Variants in ACOXL observed in about 807,000 individuals in gnomAD.
The protein encoded by ACOXL is acyl-CoA oxidase like.
A neutral mutation model predicts 71.9 loss-of-function variants in ACOXL; 70 were observed. The ratio of observed to expected loss-of-function variants is 0.97; its 90% CI spans 0.80 to 1.19. ACOXL has a LOEUF of 1.19. ACOXL is among the 50% of genes most tolerant of loss of function. The pLI is 0.00. For synonymous variants in ACOXL, 253 were observed against 281.6 expected, an observed-to-expected ratio of 0.90 and a Z score of 1.02; for missense variants, 703 against 736.3, an observed-to-expected ratio of 0.95 and a Z score of 0.52.
At chr2:111,113,850 G>C (rs1418410861) in intron 17 of ACOXL, among the ~76,000 whole-genome samples, 1 of 152,128 alleles carries the variant, frequency 6.6e-6, no homozygotes, top group Non-Finnish European at 1.5e-5. Context: ...TTCCTGTAAA[G>C]TTTCTAGCTC....
At chr2:110,820,486 A>G (rs944668750) in intron 9 of ACOXL, among the ~76,000 whole-genome samples, 2 of 150,990 alleles carry the variant, frequency 1.3e-5, no homozygotes, top group African/African-American at 4.9e-5. Context: ...AAGAAAGTTG[A>G]GGGTGCCCCA....
chr2:110,733,460 T>A (rs1313609080), intron 1 of ACOXL, among the ~76,000 whole-genome samples: 1 of 152,138 alleles, frequency 6.6e-6, no homozygotes, highest in Non-Finnish European at 1.5e-5. Flanking sequence ...CATTCGTGTC[T>A]CCTGTGGGCT....
At chr2:110,996,709 T>A (rs2063412411) in intron 14 of ACOXL, among the ~76,000 whole-genome samples, 1 of 152,194 alleles carries the variant, frequency 6.6e-6, no homozygotes, top group Non-Finnish European at 1.5e-5. Context: ...CAGAATTGGA[T>A]TCCTGCAATT....
At chr2:110,844,809 A>T (rs1691603505) in intron 10 of ACOXL, among the ~76,000 whole-genome samples, 1 of 151,898 alleles carries the variant, frequency 6.6e-6, no homozygotes, top group Admixed American at 6.6e-5. Flanking sequence ...TGCCTCCCAA[A>T]GTGCTGGGAT....
At chr2:110,865,638 T>C (rs1694497182) in intron 10 of ACOXL, among the ~76,000 whole-genome samples, 1 of 152,234 alleles carries the variant, frequency 6.6e-6, no homozygotes, top group Non-Finnish European at 1.5e-5. Context: ...ATTCTTATTA[T>C]AAACCTCAGA....
chr2:110,857,804 C>T (rs1693447818), intron 10 of ACOXL, among the ~76,000 whole-genome samples: 1 of 152,158 alleles, frequency 6.6e-6, no homozygotes, highest in South Asian at 2.1e-4. Flanking sequence ...CGGCTCACTG[C>T]AACCTCTGCT....
intron 10 of ACOXL, among the ~76,000 whole-genome samples, chr2:110,877,130 G>C (rs1696019188): frequency 6.6e-6 from 1 of 152,254 alleles, no homozygotes; most frequent in Non-Finnish European, 1.5e-5. Flanking sequence ...AAAGTTTCCT[G>C]TTTGCTGCGA....
At chr2:110,912,436 TAAATC>T (rs1160151896) in intron 11 of ACOXL, among the ~76,000 whole-genome samples, 1 of 152,090 alleles carries the variant, frequency 6.6e-6, no homozygotes, top group Non-Finnish European at 1.5e-5. Context: ...TCAACAGAAT[TAAATC>T]AAGAGACAGA....
chr2:110,818,880 C>A, intron 9 of ACOXL, among the ~76,000 whole-genome samples: 3 of 64,726 alleles, frequency 4.6e-5, no homozygotes, highest in Non-Finnish European at 1.0e-4. Context: ...CAAAGCTGAC[C>A]TGGCTGCGAT....
intron 12 of ACOXL, among the ~76,000 whole-genome samples, chr2:110,980,055 C>T (rs940555830): frequency 6.6e-6 from 1 of 152,202 alleles, no homozygotes; most frequent in Non-Finnish European, 1.5e-5. Context: ...GAAGAATACA[C>T]GCTTAGGCCA....
At chr2:110,877,436 G>A (rs930186999) in intron 10 of ACOXL, among the ~76,000 whole-genome samples, 4 of 152,220 alleles carry the variant, frequency 2.6e-5, no homozygotes, top group African/African-American at 9.6e-5. Flanking sequence ...TGTAACTTCT[G>A]TCTTAATTTA....
intron 12 of ACOXL, among the ~76,000 whole-genome samples, chr2:110,973,911 G>A (rs1218160843): frequency 2.0e-5 from 3 of 152,166 alleles, no homozygotes; most frequent in South Asian, 2.1e-4. Context: ...GTGAGAGACC[G>A]AGACCCCTGA....
At chr2:111,050,942 T>A (rs1417217833) in intron 16 of ACOXL, among the ~76,000 whole-genome samples, 2 of 152,204 alleles carry the variant, frequency 1.3e-5, no homozygotes, top group East Asian at 3.8e-4. Context: ...CACATTCGGT[T>A]AGAAACTAAC....
chr2:110,754,024 A>T (rs1239562412), intron 1 of ACOXL, among the ~76,000 whole-genome samples: 1 of 142,322 alleles, frequency 7.0e-6, no homozygotes, highest in African/African-American at 2.8e-5. Flanking sequence ...CCTCTTGCAC[A>T]TGCACACGTG....
At chr2:110,846,639 A>ATG (rs1553562191) in intron 10 of ACOXL, among the ~76,000 whole-genome samples, 7 of 139,928 alleles carry the variant, frequency 5.0e-5, no homozygotes, top group Non-Finnish European at 1.1e-4. Flanking sequence ...GTATGCATAC[A>ATG]CGCACACACA....
chr2:110,762,601 A>G (rs1238369034), intron 1 of ACOXL, among the ~76,000 whole-genome samples: 1 of 152,156 alleles, frequency 6.6e-6, no homozygotes, highest in African/African-American at 2.4e-5. Context: ...AAGTATAGAA[A>G]CCTAACTTTC....
chr2:110,936,822 G>C (rs952141643), intron 12 of ACOXL, among the ~76,000 whole-genome samples: 1 of 151,424 alleles, frequency 6.6e-6, no homozygotes, highest in African/African-American at 2.4e-5. Flanking sequence ...CACCAGCCTG[G>C]AAGCTCTCTG....
At chr2:110,964,331 A>G (rs551392255) in intron 12 of ACOXL, among the ~76,000 whole-genome samples, 62 of 152,362 alleles carry the variant, frequency 4.1e-4, no homozygotes, top group African/African-American at 1.5e-3. Context: ...GAAAATTATT[A>G]TACAGTATAA....
intron 12 of ACOXL, among the ~76,000 whole-genome samples, chr2:110,965,547 A>G (rs1193432530): frequency 1.3e-5 from 2 of 152,230 alleles, no homozygotes; most frequent in Admixed American, 6.5e-5. Context: ...GTGTTGTGCT[A>G]TGACATCATG....
Sources: gnomAD v4.1 joint callset for allele counts (sites outside exome capture counted in the v4.1 genomes callset) on GRCh38, gnomAD v4.1.1 for gene constraint, MANE v1.5 for transcripts, NCBI Gene and HGNC (gene_info 2026-07-23, HGNC 2026-07-21) for gene names.